PCDH15: variants seen among roughly 807,000 people sequenced by gnomAD.
The protein encoded by PCDH15 is protocadherin-15.
A neutral mutation model predicts 178.5 loss-of-function variants in PCDH15; 129 were observed. That is an observed-to-expected ratio of 0.72 (90% CI 0.63 to 0.84). The LOEUF is 0.84. Among genes scored for constraint, PCDH15 ranks in the 40% least tolerant of loss-of-function variants. The pLI, the probability that PCDH15 is intolerant of heterozygous loss-of-function variation, is 0.00. For synonymous variants in PCDH15, 800 were observed against 732.0 expected (o/e 1.09, Z -1.50); for missense variants, 2,230 against 2,099.9 (o/e 1.06, Z -1.21).
intron 1 of PCDH15, among the ~76,000 whole-genome samples, chr10:54,777,708 T>A (rs962370619): frequency 3.3e-5 from 5 of 152,224 alleles, no homozygotes; most frequent in African/African-American, 1.2e-4. Context: ...TCAGAGTTTT[T>A]ACTTTTAAAT....
intron 3 of PCDH15, among the ~76,000 whole-genome samples, chr10:54,427,070 T>A (rs1373857189): frequency 6.6e-6 from 1 of 151,918 alleles, no homozygotes; most frequent in African/African-American, 2.4e-5. Context: ...AGATATTCTA[T>A]CAAATTACCA....
At chr10:54,566,406 C>G (rs1366896180) in intron 2 of PCDH15, among the ~76,000 whole-genome samples, 3 of 152,086 alleles carry the variant, frequency 2.0e-5, no homozygotes, top group Admixed American at 6.5e-5. Flanking sequence ...GTGGCTTTGA[C>G]TAAATGTATA....
chr10:54,100,183 T>C (rs1184018594), intron 15 of PCDH15, among the ~76,000 whole-genome samples: 2 of 151,994 alleles, frequency 1.3e-5, no homozygotes, highest in African/African-American at 4.8e-5. Context: ...CTGACCAACA[T>C]GGTGAAACCT....
intron 3 of PCDH15, among the ~76,000 whole-genome samples, chr10:54,442,328 T>A (rs1474457288): frequency 6.9e-6 from 1 of 144,016 alleles, no homozygotes; most frequent in African/African-American, 2.6e-5. Context: ...ATTCATAAAG[T>A]GTTGGTTATA....
intron 21 of PCDH15, among the ~76,000 whole-genome samples, chr10:53,969,605 A>T (rs1404139642): frequency 6.6e-6 from 1 of 152,216 alleles, no homozygotes; most frequent in Non-Finnish European, 1.5e-5. Context: ...GGGCAGCCAG[A>T]GAGAAAGGTC....
chr10:54,463,049 C>T (rs1452469569), intron 3 of PCDH15, among the ~76,000 whole-genome samples: 2 of 151,950 alleles, frequency 1.3e-5, no homozygotes, highest in African/African-American at 2.4e-5. Context: ...CTTTTAAGCT[C>T]GTTATAAGAT....
chr10:54,030,778 G>C (rs1488636447), intron 18 of PCDH15, among the ~76,000 whole-genome samples: 1 of 151,750 alleles, frequency 6.6e-6, no homozygotes, highest in Non-Finnish European at 1.5e-5. Flanking sequence ...CTAACTCTCT[G>C]ACACAAACTC....
intron 2 of PCDH15, among the ~76,000 whole-genome samples, chr10:54,607,139 T>G (rs555006300): frequency 4.4e-4 from 67 of 152,186 alleles, no homozygotes; most frequent in African/African-American, 1.6e-3. Flanking sequence ...TTTAAAAAAT[T>G]AAAATGCTAA....
chr10:54,219,326 C>T (rs1018873668), intron 9 of PCDH15, among the ~76,000 whole-genome samples: 3 of 145,960 alleles, frequency 2.1e-5, no homozygotes, highest in African/African-American at 5.1e-5. Context: ...CGTGGTGGCT[C>T]ATGCCTGTAA....
chr10:54,561,012 GA>G (rs1484790074), intron 2 of PCDH15, among the ~76,000 whole-genome samples: 1 of 152,052 alleles, frequency 6.6e-6, no homozygotes, highest in African/African-American at 2.4e-5. Flanking sequence ...CACTGGATTA[GA>G]AACTCTGTTA....
chr10:55,000,066 C>T (rs757916203), intron 2 of PCDH15, among the ~76,000 whole-genome samples: 3 of 152,186 alleles, frequency 2.0e-5, no homozygotes, highest in South Asian at 2.1e-4. Flanking sequence ...AATGAAGTTT[C>T]GGGCATGCAT....
intron 2 of PCDH15, among the ~76,000 whole-genome samples, chr10:55,384,269 C>T (rs1208080238): frequency 6.6e-6 from 1 of 152,032 alleles, no homozygotes; most frequent in East Asian, 1.9e-4. Flanking sequence ...AAATTGTTCA[C>T]AAAGATTAAC....
At chr10:54,013,656 T>C (rs1298215405) in intron 20 of PCDH15, among the ~76,000 whole-genome samples, 1 of 152,066 alleles carries the variant, frequency 6.6e-6, no homozygotes, top group African/African-American at 2.4e-5. Context: ...TCCTCAATTA[T>C]CTCTGGGTAA....
intron 8 of PCDH15, among the ~76,000 whole-genome samples, chr10:54,263,438 G>C (rs947665007): frequency 6.6e-6 from 1 of 152,112 alleles, no homozygotes; most frequent in African/African-American, 2.4e-5. Context: ...CTTCCCATAA[G>C]GTCCTAGAAA....
chr10:54,616,225 T>C (rs1003590682), intron 2 of PCDH15, among the ~76,000 whole-genome samples: 1 of 152,032 alleles, frequency 6.6e-6, no homozygotes, highest in Non-Finnish European at 1.5e-5. Context: ...CAAGGACTTA[T>C]AAAAGGGAGG....
intron 2 of PCDH15, among the ~76,000 whole-genome samples, chr10:55,596,086 A>G (rs1413119997): frequency 6.6e-6 from 1 of 152,034 alleles, no homozygotes; most frequent in Non-Finnish European, 1.5e-5. Context: ...GTTAAATCTT[A>G]CTCTAAAATT....
intron 8 of PCDH15, among the ~76,000 whole-genome samples, chr10:54,239,553 A>G (rs945723554): frequency 2.6e-5 from 4 of 151,910 alleles, no homozygotes; most frequent in African/African-American, 9.7e-5. Context: ...GGTAGATGGG[A>G]TAGAAAATAT....
chr10:54,017,949 A>G (rs1339472832), intron 20 of PCDH15, among the ~76,000 whole-genome samples: 1 of 152,198 alleles, frequency 6.6e-6, no homozygotes, highest in African/African-American at 2.4e-5. Context: ...ATACAGTTAT[A>G]CTAATTATGT....
chr10:55,463,949 GAAAGAA>G (rs1161809429), intron 2 of PCDH15, among the ~76,000 whole-genome samples: 5 of 21,800 alleles, frequency 2.3e-4, no homozygotes, highest in African/African-American at 4.1e-4. Flanking sequence ...AAGAAAGAAA[GAAAGAA>G]AGAAAGAAAG....
Sources: gnomAD v4.1 joint callset for allele counts (sites outside exome capture counted in the v4.1 genomes callset) on GRCh38, gnomAD v4.1.1 for gene constraint, MANE v1.5 for transcripts, NCBI Gene and HGNC (gene_info 2026-07-23, HGNC 2026-07-21) for gene names.